FBXL13: variants seen among roughly 807,000 people sequenced by gnomAD.
The protein encoded by FBXL13 is F-box and leucine-rich repeat protein 13.
A neutral mutation model predicts 83.6 loss-of-function variants in FBXL13; 67 were observed. The ratio of observed to expected loss-of-function variants is 0.80; its 90% CI spans 0.66 to 0.98. The LOEUF is 0.98. Among genes scored for constraint, FBXL13 ranks in the 50% least tolerant of loss-of-function variants. The pLI, the probability that FBXL13 is intolerant of heterozygous loss-of-function variation, is 0.00. For synonymous variants in FBXL13, 272 were observed against 299.5 expected, an observed-to-expected ratio of 0.91 and a Z score of 0.95; for missense variants, 822 against 866.5, an observed-to-expected ratio of 0.95 and a Z score of 0.64.
At chr7:102,906,948 T>A (rs776840130) in intron 11 of FBXL13, among the ~76,000 whole-genome samples, 6 of 151,906 alleles carry the variant, frequency 3.9e-5, no homozygotes, top group Admixed American at 2.0e-4. Flanking sequence ...TTTGTTTGAT[T>A]GGGTTTTTTT....
intron 18 of FBXL13, among the ~76,000 whole-genome samples, chr7:102,824,708 A>G (rs1207869822): frequency 6.6e-6 from 1 of 151,410 alleles, no homozygotes; most frequent in Non-Finnish European, 1.5e-5. Flanking sequence ...CTGGTCTCAA[A>G]CTGATGACCT....
intron 17 of FBXL13, among the ~76,000 whole-genome samples, chr7:102,840,636 G>T (rs933034885): frequency 5.3e-5 from 8 of 152,150 alleles, no homozygotes; most frequent in African/African-American, 1.9e-4. Flanking sequence ...GAAATAAAGA[G>T]TTCACGAACT....
At chr7:102,970,789 A>C (rs535629222) in intron 6 of FBXL13, among the ~76,000 whole-genome samples, 2 of 152,244 alleles carry the variant, frequency 1.3e-5, no homozygotes, top group East Asian at 3.8e-4. Flanking sequence ...TTAAAAATAT[A>C]GTTATTGAAA....
intron 6 of FBXL13, among the ~76,000 whole-genome samples, chr7:103,004,882 T>C (rs1485189217): frequency 6.6e-6 from 1 of 152,228 alleles, no homozygotes; most frequent in East Asian, 1.9e-4. Flanking sequence ...GGTTCTACTC[T>C]GCCAGTTTGG....
intron 2 of FBXL13, among the ~76,000 whole-genome samples, chr7:103,053,666 G>C (rs1175433758): frequency 6.6e-6 from 1 of 152,128 alleles, no homozygotes; most frequent in Non-Finnish European, 1.5e-5. Context: ...TGGAGTATAG[G>C]AGTAGGCATA....
At chr7:102,980,097 T>C (rs1828001873) in intron 6 of FBXL13, among the ~76,000 whole-genome samples, 1 of 152,228 alleles carries the variant, frequency 6.6e-6, no homozygotes, top group Non-Finnish European at 1.5e-5. Context: ...AAGGCTTTTT[T>C]TGCAAAAATG....
At chr7:102,849,755 A>G (rs904079348) in intron 17 of FBXL13, among the ~76,000 whole-genome samples, 1 of 152,220 alleles carries the variant, frequency 6.6e-6, no homozygotes, top group African/African-American at 2.4e-5. Context: ...GGGAAAGATT[A>G]CCACATGCCC....
chr7:102,877,634 T>C (rs747730995), intron 15 of FBXL13, 41 bp from the exon 17 acceptor site: 47 of 1,575,068 alleles, frequency 3.0e-5, no homozygotes, highest in Non-Finnish European at 3.7e-5. Context: ...CTGTCAATCA[T>C]ATTGTCAGTA....
At chr7:102,957,320 T>C (rs1339732079) in intron 8 of FBXL13, among the ~76,000 whole-genome samples, 2 of 151,942 alleles carry the variant, frequency 1.3e-5, no homozygotes, top group African/African-American at 2.4e-5. Flanking sequence ...GCTGGGAAAA[T>C]TGGCTAGCCA....
intron 8 of FBXL13, chr7:102,944,693 G>T: frequency 8.3e-7 from 1 of 1,204,398 alleles, no homozygotes; most frequent in South Asian, 1.5e-5. Flanking sequence ...TAACTGTGTT[G>T]CCTATTTATG....
intron 16 of FBXL13, among the ~76,000 whole-genome samples, chr7:102,864,136 G>T (rs1017589991): frequency 6.6e-6 from 1 of 152,166 alleles, no homozygotes; most frequent in African/African-American, 2.4e-5. Flanking sequence ...GCTGTGCAGG[G>T]CACTCAAGGC....
chr7:103,010,177 CAG>C (rs1791448225), intron 6 of FBXL13, among the ~76,000 whole-genome samples: 1 of 152,082 alleles, frequency 6.6e-6, no homozygotes, highest in Admixed American at 6.5e-5. Flanking sequence ...ACCTGGATGG[CAG>C]AGTGTGCAAC....
intron 16 of FBXL13, among the ~76,000 whole-genome samples, chr7:102,858,122 A>C (rs1584658461): frequency 1.3e-5 from 2 of 152,342 alleles, no homozygotes; most frequent in South Asian, 4.1e-4. Flanking sequence ...TTCAGCCACA[A>C]AAAAGAATGA....
intron 8 of FBXL13, chr7:102,934,104 A>C (rs374170254): frequency 5.9e-5 from 95 of 1,614,040 alleles, no homozygotes; most frequent in Non-Finnish European, 7.4e-5. Context: ...CATGAGAAAT[A>C]CTTAGATTGT....
At chr7:103,003,567 G>A (rs1166597969) in intron 6 of FBXL13, among the ~76,000 whole-genome samples, 1 of 151,460 alleles carries the variant, frequency 6.6e-6, no homozygotes, top group Non-Finnish European at 1.5e-5. Context: ...TTACAGGTGT[G>A]AGCCCTTGCA....
At chr7:103,054,940 A>ATG (rs1254195550) in intron 2 of FBXL13, 148 bp downstream of exon 3, 1 of 374,490 alleles carries the variant, frequency 2.7e-6, no homozygotes, top group Non-Finnish European at 5.0e-6. Flanking sequence ...GCGTCTGTGT[A>ATG]TGTGTGTGGC....
chr7:102,899,278 C>T (rs989836990), intron 11 of FBXL13, among the ~76,000 whole-genome samples: 3 of 152,204 alleles, frequency 2.0e-5, no homozygotes, highest in Non-Finnish European at 4.4e-5. Flanking sequence ...AGAGTTGTAT[C>T]AGTTTCTTTC....
At chr7:103,008,596 C>T (rs1482179803) in intron 6 of FBXL13, among the ~76,000 whole-genome samples, 2 of 152,110 alleles carry the variant, frequency 1.3e-5, no homozygotes, top group Admixed American at 6.5e-5. Context: ...CTCACTCTGT[C>T]ATCCAGGCTA....
chr7:102,919,416 T>C (rs1281438664), intron 10 of FBXL13, among the ~76,000 whole-genome samples: 1 of 152,212 alleles, frequency 6.6e-6, no homozygotes, highest in Admixed American at 6.5e-5. Flanking sequence ...AACAAATGCA[T>C]TGAAGCATTA....
Sources: allele counts gnomAD v4.1 joint callset (sites outside exome capture counted in the v4.1 genomes callset), GRCh38; gene constraint gnomAD v4.1.1; transcripts MANE v1.5; gene names NCBI Gene and HGNC (gene_info 2026-07-23, HGNC 2026-07-21).